Variants in FARP1 observed in about 807,000 individuals in gnomAD.
The protein encoded by FARP1 is FERM, ARH/RhoGEF and pleckstrin domain protein 1, also known as FERM, ARHGEF and pleckstrin domain-containing protein 1.
FARP1 carries 52 observed loss-of-function variants against 128.8 expected under a neutral mutation model. That is an observed-to-expected ratio of 0.40 (90% CI 0.32 to 0.51). The LOEUF is 0.51. FARP1 is among the 20% of genes least tolerant of loss of function. FARP1 has a pLI of 0.45. For synonymous variants in FARP1, 580 were observed against 551.8 expected, an observed-to-expected ratio of 1.05 and a Z score of -0.72; for missense variants, 1,333 against 1,367.9, an observed-to-expected ratio of 0.97 and a Z score of 0.40.
chr13:98,394,909 A>G (rs1330136908), intron 12 of FARP1, among the ~76,000 whole-genome samples: 1 of 152,194 alleles, frequency 6.6e-6, no homozygotes, highest in Non-Finnish European at 1.5e-5. Context: ...TAGGTGACAG[A>G]GTAAGATCCT....
chr13:98,286,367 A>G (rs2139645965), intron 2 of FARP1, among the ~76,000 whole-genome samples: 1 of 152,240 alleles, frequency 6.6e-6, no homozygotes, highest in South Asian at 2.1e-4. Flanking sequence ...TCTCAACTTG[A>G]ATTATAGCTC....
chr13:98,272,978 G>A (rs188296965), intron 2 of FARP1, among the ~76,000 whole-genome samples: 1 of 152,334 alleles, frequency 6.6e-6, no homozygotes, highest in Admixed American at 6.5e-5. Context: ...TATATTCTGA[G>A]CGAGTATGAG....
chr13:98,332,064 A>G (rs1241652390), intron 2 of FARP1, among the ~76,000 whole-genome samples: 2 of 152,000 alleles, frequency 1.3e-5, no homozygotes, highest in African/African-American at 2.4e-5. Context: ...CCATTTTTTA[A>G]TTGTGGTAAA....
chr13:98,173,508 A>C (rs1326893446), intron 1 of FARP1, among the ~76,000 whole-genome samples: 1 of 152,210 alleles, frequency 6.6e-6, no homozygotes, highest in Non-Finnish European at 1.5e-5. Context: ...AGGATTTCAG[A>C]AGGCCTAACC....
At chr13:98,383,486 G>T (rs1195962818) in intron 6 of FARP1, 1 of 152,218 alleles carries the variant, frequency 6.6e-6, no homozygotes, top group Admixed American at 6.5e-5. Context: ...GGGTGTGATT[G>T]ATGGCAACAT....
chr13:98,206,701 ACT>A (rs1418411068), intron 1 of FARP1, among the ~76,000 whole-genome samples: 2 of 151,506 alleles, frequency 1.3e-5, no homozygotes, highest in African/African-American at 2.4e-5. Flanking sequence ...AGACAAGACA[ACT>A]CTAGTTTTTT....
intron 1 of FARP1, among the ~76,000 whole-genome samples, chr13:98,160,937 CAA>C (rs1205251110): frequency 6.6e-6 from 1 of 152,106 alleles, no homozygotes; most frequent in Non-Finnish European, 1.5e-5. Flanking sequence ...CTTAACCTCC[CAA>C]AGTGCCGGGA....
intron 4 of FARP1, among the ~76,000 whole-genome samples, chr13:98,366,481 A>T: frequency 6.6e-6 from 1 of 152,222 alleles, no homozygotes; most frequent in East Asian, 1.9e-4. Context: ...CCCAGGTAGC[A>T]TAGAGTCTAG....
intron 2 of FARP1, among the ~76,000 whole-genome samples, chr13:98,229,685 CTTTTT>C (rs10571699): frequency 2.1e-5 from 3 of 140,476 alleles, no homozygotes; most frequent in African/African-American, 7.6e-5. Context: ...TACTTTATTT[CTTTTT>C]TTTTTTTTTT....
intron 6 of FARP1, chr13:98,383,993 T>C (rs1889990688): frequency 6.6e-6 from 1 of 152,232 alleles, no homozygotes; most frequent in African/African-American, 2.4e-5. Context: ...ATTTGCGTTT[T>C]GCACTAGTCA....
chr13:98,433,946 G>C (rs1423616414), intron 18 of FARP1: 1 of 152,270 alleles, frequency 6.6e-6, no homozygotes, highest in East Asian at 1.9e-4. Context: ...GGCCCCTCCT[G>C]GCTCTGAGGA....
At chr13:98,356,412 A>G (rs2139930035) in intron 3 of FARP1, among the ~76,000 whole-genome samples, 1 of 152,318 alleles carries the variant, frequency 6.6e-6, no homozygotes, top group East Asian at 1.9e-4. Context: ...ACAGTAAAAA[A>G]TACAGGATTA....
chr13:98,305,326 TTC>T (rs1886097423), intron 2 of FARP1, among the ~76,000 whole-genome samples: 1 of 128,762 alleles, frequency 7.8e-6, no homozygotes, highest in Admixed American at 7.8e-5. Context: ...CTCTGAGAAT[TTC>T]TTTCTTTTTT....
intron 16 of FARP1, among the ~76,000 whole-genome samples, chr13:98,419,119 G>A (rs1010319768): frequency 6.6e-6 from 1 of 152,164 alleles, no homozygotes; most frequent in Non-Finnish European, 1.5e-5. Flanking sequence ...TTAATGCTAA[G>A]ACCAATGGGA....
At chr13:98,257,067 C>T (rs1054163513) in intron 2 of FARP1, among the ~76,000 whole-genome samples, 9 of 148,368 alleles carry the variant, frequency 6.1e-5, no homozygotes, top group African/African-American at 2.2e-4. Context: ...AAAGATCAAG[C>T]GTTCTTCAAC....
chr13:98,213,072 C>A (rs948823534), intron 1 of FARP1, 148 bp from the exon 2 acceptor site: 59 of 548,652 alleles, frequency 1.1e-4, no homozygotes, highest in African/African-American at 9.8e-4. Context: ...TTAAAGGTGA[C>A]TTTGTGAGTG....
chr13:98,425,204 C>CA (rs367983342), intron 17 of FARP1, among the ~76,000 whole-genome samples: 2,907 of 137,802 alleles, frequency 0.021, 46 homozygotes, highest in Middle Eastern at 0.083. Context: ...TTCAAAACTT[C>CA]AAAAAAAAAA....
chr13:98,376,491 A>C (rs1431769444), intron 5 of FARP1, among the ~76,000 whole-genome samples: 1 of 152,240 alleles, frequency 6.6e-6, no homozygotes, highest in African/African-American at 2.4e-5. Flanking sequence ...CTGTGTATAC[A>C]TACCCCATTT....
chr13:98,143,742 C>T (rs1875266936), intron 1 of FARP1, among the ~76,000 whole-genome samples: 1 of 151,672 alleles, frequency 6.6e-6, no homozygotes, highest in South Asian at 2.1e-4. Flanking sequence ...CGCCCCTCTC[C>T]CCTCACCTCC....
Sources: gnomAD v4.1 joint callset for allele counts (sites outside exome capture counted in the v4.1 genomes callset) on GRCh38, gnomAD v4.1.1 for gene constraint, MANE v1.5 for transcripts, NCBI Gene and HGNC (gene_info 2026-07-23, HGNC 2026-07-21) for gene names.